DECR1: variants seen among roughly 807,000 people sequenced by gnomAD.
DECR1 encodes the protein 2,4-dienoyl-CoA reductase 1.
DECR1 carries 44 observed loss-of-function variants against 38.8 expected under a neutral mutation model. That is an observed-to-expected ratio of 1.13 (90% CI 0.89 to 1.46). DECR1 has a LOEUF of 1.46. DECR1 is among the 40% of genes most tolerant of loss of function. The probability of loss-of-function intolerance (pLI) is 0.00; values close to 1 mark genes in which losing one functional copy is unlikely to be tolerated. For synonymous variants in DECR1, 148 were observed against 135.2 expected (o/e 1.09, Z -0.66); for missense variants, 428 against 405.5 (o/e 1.06, Z -0.48).
intron 1 of DECR1, 31 bp from the exon 2 acceptor site, chr8:90,017,093 A>T (rs767804885): frequency 6.0e-6 from 9 of 1,507,188 alleles, no homozygotes; most frequent in Non-Finnish European, 5.5e-6. Context: ...AAATATATGT[A>T]TGCAAATTTA....
chr8:90,052,733 T>C lies in DECR1; in HGVS notation c.*836T>C, dbSNP rs1340730151. ...AAATTTCATCTTTGGTTTGACTAAT[T>C]TGTCATCCTGAAAATCAAATAATAA... is the stretch of plus-strand genomic sequence containing the variant. On this transcript the variant is annotated 3_prime_UTR_variant, in exon 10 of 10. Transcript: ENST00000220764. Among the ~76,000 whole-genome samples, 4 of 152,214 alleles carry C rather than the reference T, an allele frequency of 2.6e-5. No individual in the cohort carries two copies. Among genetic ancestry groups the C allele is most frequent in the Non-Finnish European group, 5.9e-5 (4 of 68,036 alleles).
intron 6 of DECR1, among the ~76,000 whole-genome samples, chr8:90,038,797 G>A (rs1813681357): frequency 3.3e-5 from 5 of 152,124 alleles, no homozygotes. Context: ...ATTTAAGTCA[G>A]TAAATACACA....
chr8:90,005,643 C>T (rs886152990), intron 1 of DECR1: 2 of 358,934 alleles, frequency 5.6e-6, no homozygotes, highest in African/African-American at 4.3e-5. Context: ...CCCAACGATC[C>T]TGTCAAAATT....
At chr8:90,007,223 A>G (rs1812765362) in intron 1 of DECR1, among the ~76,000 whole-genome samples, 1 of 152,108 alleles carries the variant, frequency 6.6e-6, no homozygotes, top group African/African-American at 2.4e-5. Flanking sequence ...TTCAGGGGAG[A>G]TGAGGCAGAA....
intron 8 of DECR1, among the ~76,000 whole-genome samples, chr8:90,051,103 A>C (rs1040199212): frequency 6.6e-6 from 1 of 152,034 alleles, no homozygotes; most frequent in African/African-American, 2.4e-5. Flanking sequence ...CAGCACACCA[A>C]CATGGCACAT....
intron 1 of DECR1, chr8:90,005,982 C>G: frequency 1.9e-6 from 1 of 538,936 alleles, no homozygotes; most frequent in Non-Finnish European, 3.3e-6. Context: ...CAGGTTCTTT[C>G]ACAACCTGCT....
intron 5 of DECR1, among the ~76,000 whole-genome samples, chr8:90,034,780 T>G (rs933069106): frequency 2.0e-5 from 3 of 152,206 alleles, no homozygotes; most frequent in African/African-American, 7.2e-5. Flanking sequence ...GAGAACCTGC[T>G]GTGTCCTAGA....
intron 5 of DECR1, among the ~76,000 whole-genome samples, chr8:90,028,554 C>T (rs1292700253): frequency 6.6e-6 from 1 of 151,922 alleles, no homozygotes; most frequent in Non-Finnish European, 1.5e-5. Flanking sequence ...TAGTGATTCC[C>T]ACAAGTTGTA....
intron 1 of DECR1, among the ~76,000 whole-genome samples, chr8:90,013,613 G>A (rs769176093): frequency 3.9e-5 from 6 of 151,950 alleles, no homozygotes; most frequent in Non-Finnish European, 7.4e-5. Flanking sequence ...TAATCATGTG[G>A]TAAGGTGTAC....
At chr8:90,009,923 C>T (rs1812841613) in intron 1 of DECR1, among the ~76,000 whole-genome samples, 1 of 152,126 alleles carries the variant, frequency 6.6e-6, no homozygotes, top group Admixed American at 6.5e-5. Flanking sequence ...AGATGTACAC[C>T]CTATGGCATA....
intron 5 of DECR1, among the ~76,000 whole-genome samples, chr8:90,023,776 G>A (rs180744442): frequency 6.6e-5 from 10 of 151,914 alleles, no homozygotes; most frequent in African/African-American, 1.9e-4. Context: ...GTGCAGGTTC[G>A]TTACATATGT....
intron 8 of DECR1, among the ~76,000 whole-genome samples, chr8:90,051,215 C>G (rs1002580179): frequency 2.6e-5 from 4 of 151,430 alleles, no homozygotes; most frequent in African/African-American, 9.7e-5. Context: ...ATTCACTCTT[C>G]TGCATGTCTG....
At position 90,019,087 on chromosome 8, in the gene DECR1, T is replaced by C; in HGVS notation, c.332T>C (p.Val111Ala). 4 of 1,613,836 alleles carry C rather than the reference T, an allele frequency of 2.5e-6. No individual in the cohort carries two copies. The highest frequency in any genetic ancestry group is 3.4e-6 in the Non-Finnish European group (4 of 1,179,734). ...CATATTCTTTTTGTTATTTTGCAGG[T>C]TCATGCAATTCAGTGTGATGTGAGG... Reference protein sequence around the residue: ...EQISSQTGNKVHAIQCDVRDP... With the variant: ...EQISSQTGNKAHAIQCDVRDP... Residue 111 changes from valine (V) to alanine (A), a missense_variant and splice_region_variant, in exon 4 of 10, where the codon GTT becomes GCT. Transcript: ENST00000220764.
chr8:90,010,264 A>G (rs1262390828), intron 1 of DECR1, among the ~76,000 whole-genome samples: 1 of 152,114 alleles, frequency 6.6e-6, no homozygotes, highest in Non-Finnish European at 1.5e-5. Flanking sequence ...TGTGGTACTC[A>G]GTTATTTTAA....
intron 5 of DECR1, among the ~76,000 whole-genome samples, chr8:90,026,907 T>A (rs1262907370): frequency 6.6e-6 from 1 of 152,236 alleles, no homozygotes; most frequent in Admixed American, 6.5e-5. Flanking sequence ...GTCCCAGAGA[T>A]TCTGGTATGT....
intron 1 of DECR1, among the ~76,000 whole-genome samples, chr8:90,013,038 A>G (rs1812924926): frequency 6.6e-6 from 1 of 152,206 alleles, no homozygotes; most frequent in South Asian, 2.1e-4. Context: ...CTAGGAAAGT[A>G]TTAATACGTT....
At chr8:90,016,355 G>T (rs898630206) in intron 1 of DECR1, among the ~76,000 whole-genome samples, 24 of 152,144 alleles carry the variant, frequency 1.6e-4, no homozygotes, top group African/African-American at 5.1e-4. Flanking sequence ...AATTAAATTT[G>T]GTCGGGTGTG....
At chr8:90,002,092 T>G (rs1288608749) in intron 1 of DECR1, among the ~76,000 whole-genome samples, 1 of 151,948 alleles carries the variant, frequency 6.6e-6, no homozygotes, top group Non-Finnish European at 1.5e-5. Flanking sequence ...GGAAGAGACG[T>G]GATTTTCGAA....
At position 90,037,094 on chromosome 8, in the gene DECR1, C is replaced by G. The variant is rs1242572123; in HGVS notation, c.665+154C>G. The G allele has an allele frequency of 5.0e-6, 3 of 594,788 alleles. No homozygotes were observed. In the African/African-American group the frequency reaches 5.6e-5, roughly 11 times the overall value. The allele number at this position is 594,788 out of a possible 1,614,324, so 36.8% of individuals were successfully genotyped here. A position where few individuals can be genotyped will look rare whatever the true frequency, so the allele number is the denominator to read the frequency against. The stretch of plus-strand genomic sequence containing the variant: ...ATACATTTTATCTCCCAGATAAGTC[C>G]TATTTGTCTATAGCAGCGCTGTCCT... On this transcript the variant is annotated intron_variant, in intron 6 of 9. Coordinates refer to ENST00000220764, the MANE Select transcript of DECR1 (RefSeq NM_001359.2).
Sources: allele counts gnomAD v4.1 joint callset (sites outside exome capture counted in the v4.1 genomes callset), GRCh38; gene constraint gnomAD v4.1.1; transcripts MANE v1.5; gene names NCBI Gene and HGNC (gene_info 2026-07-23, HGNC 2026-07-21).